The following TUT7 variants were observed in gnomAD, a reference collection of about 807,000 sequenced individuals.
TUT7 encodes terminal uridylyltransferase 7.
A neutral mutation model predicts 165.9 loss-of-function variants in TUT7; 33 were observed. The ratio of observed to expected loss-of-function variants is 0.20; its 90% CI spans 0.15 to 0.27. The LOEUF (loss-of-function observed/expected upper bound fraction) is 0.27, where lower values mean the gene tolerates loss of function less well. Among genes scored for constraint, TUT7 ranks in the 10% least tolerant of loss-of-function variants. The pLI is 1.00. For missense variants in TUT7, 1,338 were observed against 1,762.3 expected (o/e 0.76, Z 4.31); for synonymous variants, 552 against 608.1 (o/e 0.91, Z 1.36).
intron 12 of TUT7, 99 bp downstream of exon 12, chr9:86,325,235 T>C: frequency 8.7e-7 from 1 of 1,152,864 alleles, no homozygotes; most frequent in South Asian, 1.5e-5. Flanking sequence ...CCTACCTTAC[T>C]TGTAGGAGCT....
Position 86,352,953 on chromosome 9 carries a change from T to C in TUT7, c.247A>G (p.Ile83Val), listed in dbSNP as rs749904383. The C allele has an allele frequency of 1.2e-6, 2 of 1,614,230 alleles. No homozygotes were observed. The highest frequency in any genetic ancestry group is 1.7e-6 in the Non-Finnish European group (2 of 1,180,036). The change falls in exon 2 of 27, where the codon ATC becomes GTC. Residue 83 changes from isoleucine (I) to valine (V), a missense_variant. Physicochemically the swap from Ile to Val is conservative, Grantham distance 29 (BLOSUM62 3). Around this residue, in one of 7 missense-constraint regions of TUT7, gnomAD observed 434 missense variants for 480.8 expected, o/e 0.90. Transcript: ENST00000375963. ...TTCATCCAAGCGGGTTGACTGTAGA[T>C]TGGGTTTTTAAATGCATATGGATTG... is the stretch of plus-strand genomic sequence containing the variant. ...SSNPYAFKNP[I>V]YSQPAWMNDS...
rs1825652176 is a variant in TUT7, at chr9:86,287,855, AC to A, written c.*821del. 1 of 152,168 alleles carries A rather than the reference AC, an allele frequency of 6.6e-6. No individual in the cohort carries two copies. The highest frequency in any genetic ancestry group is 2.1e-4 in the South Asian group (1 of 4,834). The allele number at this position is 152,168 out of a possible 1,614,324, so 9.4% of individuals were successfully genotyped here. A position where few individuals can be genotyped will look rare whatever the true frequency, so the allele number is the denominator to read the frequency against. ...AACAGTCCAGGAGGGCTCCAGTCAG[AC>A]CCAGAATGACACCAGCCACACTTGT... On this transcript the variant is annotated 3_prime_UTR_variant, in exon 27 of 27. Transcript: ENST00000375963.
chr9:86,354,181 G>A (rs566520577), intron 1 of TUT7, 90 bp downstream of exon 1: 5 of 152,732 alleles, frequency 3.3e-5, no homozygotes, highest in Non-Finnish European at 7.3e-5. Context: ...ACACGGACTC[G>A]AACCCGAGGG....
intron 14 of TUT7, among the ~76,000 whole-genome samples, chr9:86,321,383 C>T (rs965990425): frequency 5.3e-5 from 8 of 151,038 alleles, no homozygotes; most frequent in Non-Finnish European, 8.8e-5. Flanking sequence ...TTTTTCTTGG[C>T]AGAGTAATGG....
intron 1 of TUT7, among the ~76,000 whole-genome samples, chr9:86,353,933 C>A (rs1248213757): frequency 6.6e-6 from 1 of 151,934 alleles, no homozygotes; most frequent in African/African-American, 2.4e-5. Context: ...CCTCTTCAAT[C>A]CCCATCTGAC....
Position 86,320,258 on chromosome 9 carries a change from A to C in TUT7, c.3029-588T>G, listed in dbSNP as rs78956456. Reference sequence around the variant, plus strand: ...ATAATATAAAAAAAAAAAATTTCCCAAAAAAAAAAAAAAAAGGACTTGTTA... The same window carrying C: ...ATAATATAAAAAAAAAAAATTTCCCCAAAAAAAAAAAAAAAGGACTTGTTA... On this transcript the variant is annotated intron_variant, in intron 14 of 26. Transcript: ENST00000375963. Among the ~76,000 whole-genome samples the C allele has an allele frequency of 6.0e-3, 431 of 71,390 alleles. 4 individuals are homozygous for C. Among genetic ancestry groups the C allele is most frequent in the African/African-American group, 0.016 (382 of 23,718 alleles). The allele number at this position is 71,390 out of a possible 152,430, so 46.8% of individuals were successfully genotyped here.
In TUT7 at chr9:86,326,752, G is replaced by A. The variant is rs1469900856; in HGVS notation, c.1609-1238C>T. On this transcript the variant is annotated intron_variant, in intron 11 of 26. Transcript: ENST00000375963. Reference sequence around the variant, plus strand: ...AAGGTTGCACTGCCTGGCAGTGGCCGGATGAGAACAATGTCTCAATGTCTC... The same window carrying A: ...AAGGTTGCACTGCCTGGCAGTGGCCAGATGAGAACAATGTCTCAATGTCTC... 7.9e-5 allele frequency among the ~76,000 whole-genome samples: 12 copies of A among 152,146 alleles called. No individual in the cohort carries two copies. The South Asian group carries it at 1.0e-3, about 13-fold the overall frequency.
intron 22 of TUT7, among the ~76,000 whole-genome samples, chr9:86,306,777 C>G (rs536359675): frequency 2.0e-5 from 3 of 151,930 alleles, no homozygotes; most frequent in Admixed American, 2.0e-4. Flanking sequence ...CCAGCCTGGG[C>G]GAGACAGTGA....
At chr9:86,313,867 T>C (rs767745763) in intron 17 of TUT7, among the ~76,000 whole-genome samples, 4 of 152,102 alleles carry the variant, frequency 2.6e-5, no homozygotes, top group Non-Finnish European at 5.9e-5. Context: ...TACATAGTGA[T>C]CACATCATAG....
intron 6 of TUT7, 144 bp downstream of exon 6, chr9:86,342,931 A>G (rs1831440341): frequency 1.8e-6 from 1 of 553,930 alleles, no homozygotes; most frequent in Non-Finnish European, 3.1e-6. Context: ...TAAAAAAAAA[A>G]GCTCTGAAAC....
chr9:86,337,231 T>C (rs929251210), intron 10 of TUT7, 188 bp downstream of exon 10: 7 of 647,592 alleles, frequency 1.1e-5, no homozygotes, highest in African/African-American at 5.6e-5. Flanking sequence ...AAGCAGGTTA[T>C]AGGGCAACAT....
Position 86,346,300 on chromosome 9 carries a change from C to A in TUT7, c.701G>T (p.Arg234Met), listed in dbSNP as rs771841351. The change falls in exon 3 of 27, where the codon AGG (arginine) becomes ATG (methionine). Residue 234 changes from arginine to methionine, a missense_variant and splice_region_variant. Coordinates refer to ENST00000375963, the MANE Select transcript of TUT7 (RefSeq NM_024617.4). The part of the protein sequence containing the change: ...LKRDCIDRLK[R>M]RPRNYPTAKY... Reference sequence around the variant, plus strand: ...CAAATATATATATAAGGATGTTACCCTTTTTAGCCTGTCAATGCAGTCTCT... The same window carrying A: ...CAAATATATATATAAGGATGTTACCATTTTTAGCCTGTCAATGCAGTCTCT... 2 of 1,611,084 alleles carry A rather than the reference C, an allele frequency of 1.2e-6. No individual in the cohort carries two copies. Among genetic ancestry groups the A allele is most frequent in the Non-Finnish European group, 1.7e-6 (2 of 1,179,030 alleles).
At chr9:86,347,065 G>A (rs370966307) in intron 2 of TUT7, among the ~76,000 whole-genome samples, 2 of 152,046 alleles carry the variant, frequency 1.3e-5, no homozygotes, top group Admixed American at 6.6e-5. Context: ...CCTAAGCCGG[G>A]TCCCTCCGTT....
At chr9:86,305,009 T>C (rs1482022242) in intron 23 of TUT7, 62 bp from the exon 24 acceptor site, 1 of 1,330,406 alleles carries the variant, frequency 7.5e-7, no homozygotes, top group Non-Finnish European at 1.1e-6. Context: ...GTATTACAAA[T>C]GACAAACTAC....
chr9:86,320,440 T>C (rs927046689), intron 14 of TUT7, among the ~76,000 whole-genome samples: 1 of 152,292 alleles, frequency 6.6e-6, no homozygotes, highest in Non-Finnish European at 1.5e-5. Context: ...TTGTGTTCCT[T>C]AAAGGGCTGT....
chr9:86,288,825 T>TTAA (rs1161363801), intron 26 of TUT7, 81 bp from the exon 27 acceptor site: 11 of 1,124,400 alleles, frequency 9.8e-6, no homozygotes, highest in Non-Finnish European at 1.2e-5. Context: ...TTACTTCTTA[T>TTAA]TAAGTAGTCA....
intron 6 of TUT7, among the ~76,000 whole-genome samples, 157 bp downstream of exon 6, chr9:86,342,918 T>A (rs1480879668): frequency 6.6e-6 from 1 of 151,596 alleles, no homozygotes; most frequent in Non-Finnish European, 1.5e-5. Flanking sequence ...ATTTGCAGAG[T>A]ATTAAAAAAA....
Position 86,311,427 on chromosome 9 carries a change from G to A in TUT7, c.3275-618C>T, listed in dbSNP as rs955826188. Among the ~76,000 whole-genome samples, 3 of 151,944 alleles carry A rather than the reference G, an allele frequency of 2.0e-5. No homozygotes were observed. The highest frequency in any genetic ancestry group is 2.9e-5 in the Non-Finnish European group (2 of 67,916). On this transcript the variant is annotated intron_variant, in intron 17 of 26. Coordinates refer to ENST00000375963, the MANE Select transcript of TUT7 (RefSeq NM_024617.4). This position sits in a 1 kb window ranked among gnomAD's most constrained non-coding sequence, Gnocchi z 4.4. ...GTAGATGCCTGAAATAGAATGGTAC[G>A]TTCAGGGAAGTTCCAGAGAATTGCA...
chr9:86,349,095 A>G (rs1832041343), intron 2 of TUT7, among the ~76,000 whole-genome samples: 1 of 152,022 alleles, frequency 6.6e-6, no homozygotes. Context: ...CCTGGCCAAC[A>G]TGGTGAAACC....
Sources: gnomAD v4.1 joint callset for allele counts (sites outside exome capture counted in the v4.1 genomes callset) on GRCh38, gnomAD v4.1.1 for gene constraint, gnomAD v4.1.1 regional missense constraint, Gnocchi (gnomAD v3.1) non-coding constraint, MANE v1.5 for transcripts, NCBI Gene and HGNC (gene_info 2026-07-23, HGNC 2026-07-21) for gene names.